Variants in CUL5 observed in about 807,000 individuals in gnomAD.
CUL5 encodes the protein cullin-5.
A neutral mutation model predicts 108.8 loss-of-function variants in CUL5; 26 were observed. The ratio of observed to expected loss-of-function variants is 0.24; its 90% confidence interval spans 0.18 to 0.33. The LOEUF is 0.33. Ranked by LOEUF, CUL5 falls within the 10% of genes least tolerant of loss-of-function variation. The pLI, the probability that CUL5 is intolerant of heterozygous loss-of-function variation, is 1.00. For missense variants in CUL5, 524 were observed against 909.2 expected (o/e 0.58, Z 5.45); for synonymous variants, 334 against 298.0 (o/e 1.12, Z -1.25).
Position 108,091,520 on chromosome 11 carries a change from T to C in CUL5, c.1443+1897T>C, listed in dbSNP as rs545610394. 2.0e-5 allele frequency among the ~76,000 whole-genome samples: 3 copies of C among 151,944 alleles called. No individual in the cohort carries two copies. The South Asian group carries it at 6.2e-4, about 32-fold the overall frequency. ...GCCTGGGCAACGTGGTGAAACCCCA[T>C]CTCTACAAAAATTTAAAAAATTAGC... On this transcript the variant is annotated intron_variant, in intron 13 of 18. Coordinates refer to ENST00000393094, the MANE Select transcript of CUL5 (RefSeq NM_003478.6).
chr11:108,072,276 C>G (rs1863844490), intron 8 of CUL5, 56 bp from the exon 9 acceptor site: 2 of 1,396,252 alleles, frequency 1.4e-6, no homozygotes, highest in East Asian at 2.4e-5. Flanking sequence ...TAATGTTTCT[C>G]TAAACTCTTA....
chr11:108,091,209 G>A (rs182859523), intron 13 of CUL5, among the ~76,000 whole-genome samples: 188 of 151,978 alleles, frequency 1.2e-3, no homozygotes, highest in African/African-American at 4.5e-3. Flanking sequence ...GTGCCATGAC[G>A]CCTGGCTAAT....
intron 13 of CUL5, among the ~76,000 whole-genome samples, chr11:108,091,695 TCACACACACACACACACACACA>T (rs71303233): frequency 2.3e-4 from 32 of 138,094 alleles, no homozygotes; most frequent in African/African-American, 8.6e-4. Flanking sequence ...TCTCTCTCAC[TCACACACACACACACACACACA>T]CACACACACA....
At chr11:108,085,284 A>G (rs1864191474) in intron 11 of CUL5, among the ~76,000 whole-genome samples, 1 of 152,222 alleles carries the variant, frequency 6.6e-6, no homozygotes, top group Non-Finnish European at 1.5e-5. Flanking sequence ...GCTACAAGGT[A>G]GATGAACCTT....
intron 7 of CUL5, among the ~76,000 whole-genome samples, chr11:108,064,465 T>G (rs1863624736): frequency 6.6e-6 from 1 of 152,074 alleles, no homozygotes; most frequent in Non-Finnish European, 1.5e-5. Context: ...CCCAGCACAT[T>G]AGGAGGCCAA....
chr11:108,018,802 A>G (rs201205728), intron 1 of CUL5, among the ~76,000 whole-genome samples: 15 of 152,186 alleles, frequency 9.9e-5, no homozygotes, highest in Non-Finnish European at 1.6e-4. Flanking sequence ...TATAGATGCA[A>G]GTAGTGTACT....
At chr11:108,027,574 A>AT (rs1319157753) in intron 1 of CUL5, among the ~76,000 whole-genome samples, 2 of 151,790 alleles carry the variant, frequency 1.3e-5, no homozygotes, top group Admixed American at 6.6e-5. Context: ...GCCCAGCCAA[A>AT]TTTTTTGTAT....
intron 1 of CUL5, among the ~76,000 whole-genome samples, chr11:108,022,965 C>T (rs1257189934): frequency 1.3e-5 from 2 of 152,140 alleles, no homozygotes; most frequent in Non-Finnish European, 2.9e-5. Context: ...ATATCCTTTC[C>T]TGGCCCAGCG....
At chr11:108,037,636 A>C (rs750708971) in intron 2 of CUL5, among the ~76,000 whole-genome samples, 4 of 152,206 alleles carry the variant, frequency 2.6e-5, no homozygotes, top group Non-Finnish European at 5.9e-5. Context: ...CAACACATAT[A>C]AAATATTGTC....
chr11:108,034,225 C>A (rs1862669039), intron 2 of CUL5, among the ~76,000 whole-genome samples: 1 of 152,102 alleles, frequency 6.6e-6, no homozygotes, highest in Non-Finnish European at 1.5e-5. Context: ...GAGTCCTTTC[C>A]CAGGGGAGTC....
At chr11:108,103,415 GA>G (rs1031920719) in intron 18 of CUL5, among the ~76,000 whole-genome samples, 6 of 149,080 alleles carry the variant, frequency 4.0e-5, no homozygotes, top group African/African-American at 9.9e-5. Context: ...AGAAGAAGGG[GA>G]AAAAAAAAAC....
chr11:108,096,096 G>GA (rs776430763), intron 16 of CUL5, among the ~76,000 whole-genome samples: 449 of 125,818 alleles, frequency 3.6e-3, no homozygotes, highest in Middle Eastern at 8.4e-3. Flanking sequence ...AACTCCGTCT[G>GA]AAAAAAAAAA....
At chr11:108,093,957 C>A (rs1864424046) in intron 13 of CUL5, among the ~76,000 whole-genome samples, 1 of 152,214 alleles carries the variant, frequency 6.6e-6, no homozygotes, top group Non-Finnish European at 1.5e-5. Flanking sequence ...CCTGCTTCAG[C>A]CTCCCAAAGT....
intron 7 of CUL5, among the ~76,000 whole-genome samples, chr11:108,064,886 C>T (rs1216532717): frequency 6.6e-6 from 1 of 152,048 alleles, no homozygotes; most frequent in East Asian, 1.9e-4. Flanking sequence ...GTATTCCCTC[C>T]TCCTCTATTT....
At chr11:108,054,584 T>A in intron 5 of CUL5, 63 bp from the exon 6 acceptor site, 1 of 1,165,168 alleles carries the variant, frequency 8.6e-7, no homozygotes, top group East Asian at 2.5e-5. Flanking sequence ...TTATTTCATT[T>A]ATTATACTCA....
intron 7 of CUL5, among the ~76,000 whole-genome samples, chr11:108,057,791 G>A (rs572126050): frequency 2.6e-5 from 4 of 152,118 alleles, no homozygotes; most frequent in Admixed American, 1.3e-4. Context: ...TGATAGTATC[G>A]TACCAATACT....
intron 11 of CUL5, among the ~76,000 whole-genome samples, chr11:108,082,809 T>G (rs1864126437): frequency 6.6e-6 from 1 of 152,056 alleles, no homozygotes; most frequent in African/African-American, 2.4e-5. Context: ...ATTTTTTTTT[T>G]TGAGACAGGG....
At chr11:108,057,799 A>C (rs1863424388) in intron 7 of CUL5, among the ~76,000 whole-genome samples, 1 of 152,204 alleles carries the variant, frequency 6.6e-6, no homozygotes, top group Non-Finnish European at 1.5e-5. Context: ...TCGTACCAAT[A>C]CTATTTTCCT....
Position 108,009,297 on chromosome 11 carries a change from C to T in CUL5, c.-52C>T. ...CTCCGGCCTCCGGTCAAGGCCTGGC[C>T]GGGAGCGCCACGAATTCTCGCGTCG... On this transcript the variant is annotated 5_prime_UTR_variant, in exon 1 of 19. Transcript: ENST00000393094. 14 of 1,608,646 alleles carry T rather than the reference C, an allele frequency of 8.7e-6. No homozygotes were observed. The South Asian group carries it at 1.1e-4, about 13-fold the overall frequency.
Sources: gnomAD v4.1 joint callset for allele counts (sites outside exome capture counted in the v4.1 genomes callset) on GRCh38, gnomAD v4.1.1 for gene constraint, MANE v1.5 for transcripts, NCBI Gene and HGNC (gene_info 2026-07-23, HGNC 2026-07-21) for gene names.